The following DDOST variants were observed in gnomAD, a reference collection of about 807,000 sequenced individuals.
The protein encoded by DDOST is dolichyl-diphosphooligosaccharide--protein glycosyltransferase 48 kDa subunit.
A neutral mutation model predicts 47.6 loss-of-function variants in DDOST; 25 were observed. That is an observed-to-expected ratio of 0.53 (90% CI 0.38 to 0.73). The LOEUF is 0.73. Ranked by LOEUF, DDOST falls within the 30% of genes least tolerant of loss-of-function variation. The probability of loss-of-function intolerance (pLI) is 0.00; values close to 1 mark genes in which losing one functional copy is unlikely to be tolerated. For synonymous variants in DDOST, 275 were observed against 236.0 expected (o/e 1.17, Z -1.51); for missense variants, 526 against 573.9 (o/e 0.92, Z 0.85).
At chr1:20,656,610 A>G (rs1425138411) in intron 2 of DDOST, among the ~76,000 whole-genome samples, 1 of 152,124 alleles carries the variant, frequency 6.6e-6, no homozygotes, top group East Asian at 1.9e-4. Context: ...CCCTGTCTAA[A>G]TGGTCTGAGG....
chr1:20,654,547 C>T (rs1012480015), intron 6 of DDOST, 67 bp downstream of exon 6: 24 of 1,449,380 alleles, frequency 1.7e-5, no homozygotes, highest in East Asian at 1.5e-4. Context: ...TCATTTCCTT[C>T]GCCTCAGCCA....
In DDOST at chr1:20,661,198, C is replaced by T; in HGVS notation, c.153G>A (p.Lys51=). Residue 51 remains lysine (K), a splice_region_variant and synonymous_variant, in exon 1 of 11, where the codon AAG becomes AAA. Coordinates refer to ENST00000602624, the MANE Select transcript of DDOST (RefSeq NM_005216.5). ...ETHSLFFRSL[K]DRGFELTFKT... The stretch of plus-strand genomic sequence containing the variant: ...TACCCCCTCGGACCCCGCTCTCACC[C>T]TTCAGGCTCCGGAAGAAAAGCGAAT... 6.2e-7 allele frequency: 1 copy of T among 1,613,654 alleles called. No homozygotes were observed. The highest frequency in any genetic ancestry group is 8.5e-7 in the Non-Finnish European group (1 of 1,179,898).
In DDOST at chr1:20,653,722, AC is replaced by A; in HGVS notation, c.846del (p.Phe283SerfsTer31). Reference protein sequence around the residue: ...YELAVALSRWVFKEEGVLRVG... With the variant: ...YELAVALSRWXFKEEGVLRVG... Reference sequence around the variant, plus strand: ...ACACGGAGGACACCCTCCTCCTTGAACACCCAGCGGGAGAGGGCCACAGCTA... The same window carrying A: ...ACACGGAGGACACCCTCCTCCTTGAAACCCAGCGGGAGAGGGCCACAGCTA... On this transcript the variant is annotated frameshift_variant, in exon 8 of 11. Coordinates refer to ENST00000602624, the MANE Select transcript of DDOST (RefSeq NM_005216.5). LOFTEE classifies it high-confidence loss of function. 5.6e-6 allele frequency: 9 copies of A among 1,614,122 alleles called. No homozygotes were observed. Among genetic ancestry groups the A allele is most frequent in the Non-Finnish European group, 7.6e-6 (9 of 1,180,000 alleles).
chr1:20,658,937 G>T (rs998585853), intron 2 of DDOST, among the ~76,000 whole-genome samples: 6 of 148,100 alleles, frequency 4.1e-5, no homozygotes, highest in African/African-American at 1.5e-4. Flanking sequence ...GCTCACTGCA[G>T]CCTTGACCAC....
At chr1:20,656,714 T>A (rs2053378183) in intron 2 of DDOST, among the ~76,000 whole-genome samples, 1 of 152,182 alleles carries the variant, frequency 6.6e-6, no homozygotes, top group Admixed American at 6.5e-5. Flanking sequence ...TCCTACAGAT[T>A]CTATCCATGA....
rs144169140 is a variant in DDOST, at chr1:20,660,065, G to A, written c.265+816C>T. Among the ~76,000 whole-genome samples the A allele has an allele frequency of 2.7e-3, 405 of 152,256 alleles. 3 individuals carry two copies. Among genetic ancestry groups the A allele is most frequent in the African/African-American group, 9.3e-3 (387 of 41,552 alleles). On this transcript the variant is annotated intron_variant, in intron 2 of 10. Coordinates refer to ENST00000602624, the MANE Select transcript of DDOST (RefSeq NM_005216.5). ...AAATAAAGAAGAGAATGACTAACAT[G>A]CTCACCAAAAAAGTATGGCAAAAGA...
intron 2 of DDOST, among the ~76,000 whole-genome samples, chr1:20,658,856 CTTTTT>C (rs112536606): frequency 1.5e-5 from 2 of 132,818 alleles, no homozygotes; most frequent in African/African-American, 2.9e-5. Flanking sequence ...TTTCTCTTTT[CTTTTT>C]TTTTTTTTTT....
rs753498493 is a variant in DDOST at position 20,652,838 on chromosome 1, G to A, written c.1063+13C>T. 1.2e-6 allele frequency: 2 copies of A among 1,614,204 alleles called. No individual in the cohort carries two copies. Among genetic ancestry groups the A allele is most frequent in the Non-Finnish European group, 1.7e-6 (2 of 1,180,024 alleles). ...CGTTTCTGGCAGCATCCTCGTGCAG[G>A]AACTACACTCACCTTTCTTCTTCAG... On this transcript the variant is annotated intron_variant, in intron 9 of 10. Coordinates refer to ENST00000602624, the MANE Select transcript of DDOST (RefSeq NM_005216.5).
intron 1 of DDOST, 103 bp from the exon 2 acceptor site, chr1:20,661,094 C>G: frequency 6.8e-7 from 1 of 1,477,782 alleles, no homozygotes; most frequent in South Asian, 1.2e-5. Flanking sequence ...CAGACCCGGG[C>G]GGCCTGCTCC....
intron 2 of DDOST, 27 bp downstream of exon 2, chr1:20,660,854 G>A (rs377206248): frequency 6.4e-6 from 9 of 1,398,646 alleles, no homozygotes; most frequent in Non-Finnish European, 8.1e-6. Flanking sequence ...TCGAATTCCA[G>A]TGCTAGGGGC....
At chr1:20,653,493 A>T in intron 8 of DDOST, 134 bp downstream of exon 8, 1 of 877,930 alleles carries the variant, frequency 1.1e-6, no homozygotes, top group Non-Finnish European at 1.7e-6. Flanking sequence ...TGGCATGCTT[A>T]GGTGTAGGGA....
chr1:20,656,976 TA>T, intron 2 of DDOST, among the ~76,000 whole-genome samples: 1 of 152,214 alleles, frequency 6.6e-6, no homozygotes, highest in East Asian at 1.9e-4. Flanking sequence ...ATTTATTCAT[TA>T]AATGAGTAAT....
chr1:20,661,125 G>C, intron 1 of DDOST, 72 bp downstream of exon 1: 1 of 1,537,810 alleles, frequency 6.5e-7, no homozygotes, highest in Admixed American at 1.8e-5. Flanking sequence ...GAGGGAAGGA[G>C]AGTGGTCAAT....
At chr1:20,658,607 G>A (rs573578377) in intron 2 of DDOST, among the ~76,000 whole-genome samples, 2 of 152,372 alleles carry the variant, frequency 1.3e-5, no homozygotes, top group African/African-American at 4.8e-5. Flanking sequence ...CAAAGAGAAT[G>A]TCTTAGTTTG....
intron 5 of DDOST, among the ~76,000 whole-genome samples, chr1:20,655,049 G>C (rs918537017): frequency 3.3e-5 from 5 of 152,042 alleles, no homozygotes; most frequent in Non-Finnish European, 5.9e-5. Flanking sequence ...TAGCAGAGAC[G>C]GGGTTTCACC....
rs542807666 is a variant in DDOST, at chr1:20,660,750, T to C, written c.265+131A>G. The C allele has an allele frequency of 4.8e-6, 3 of 623,238 alleles. No individual in the cohort carries two copies. In the African/African-American group the frequency reaches 5.6e-5, roughly 12 times the overall value. 38.6% of individuals were successfully genotyped at this position (623,238 alleles called of 1,614,324 possible). ...AGGTCAGAAATGAGCATTTTCCTTA[T>C]CTCCGTGGTAGCACCATCCAGGACT... On this transcript the variant is annotated intron_variant, in intron 2 of 10. Coordinates refer to ENST00000602624, the MANE Select transcript of DDOST (RefSeq NM_005216.5).
In DDOST at chr1:20,661,258, T is replaced by TA; in HGVS notation, c.92dup (p.Leu31PhefsTer26). On this transcript the variant is annotated frameshift_variant, in exon 1 of 11. Transcript: ENST00000602624. LOFTEE classifies it high-confidence loss of function. The stretch of plus-strand genomic sequence containing the variant: ...GCACGTTGAGGTTGTCCAGCAGCAC[T>TA]AAGGTGCGGGGTCCGCTGGCGCAAA... The TA allele has an allele frequency of 6.2e-7, 1 of 1,613,984 alleles. No homozygotes were observed. The highest frequency in any genetic ancestry group is 1.1e-5 in the South Asian group (1 of 91,088).
intron 2 of DDOST, among the ~76,000 whole-genome samples, chr1:20,658,062 G>A (rs533326898): frequency 8.7e-4 from 133 of 152,342 alleles, no homozygotes; most frequent in African/African-American, 3.1e-3. Context: ...GAAACGTCAA[G>A]AATGCACCTG....
In DDOST at chr1:20,653,763, G is replaced by T. The variant is rs1191877261; in HGVS notation, c.806C>A (p.Thr269Lys). The T allele has an allele frequency of 1.2e-6, 2 of 1,613,414 alleles. No homozygotes were observed. Among genetic ancestry groups the T allele is most frequent in the South Asian group, 2.2e-5 (2 of 91,026 alleles). Residue 269 changes from threonine (T) to lysine (K), a missense_variant, in exon 8 of 11, where the codon ACA (threonine) becomes AAA (lysine). By Grantham distance (78) the Thr-to-Lys change is moderately conservative (BLOSUM62 -1). Transcript: ENST00000602624. ...AAPGSQRYSQ[T>K]GNYELAVALS... The stretch of plus-strand genomic sequence containing the variant: ...GGCCACAGCTAGTTCATAGTTGCCT[G>T]TCTGGGAATACCTGCAGGAGGGAAA...
Sources: allele counts gnomAD v4.1 joint callset (sites outside exome capture counted in the v4.1 genomes callset), GRCh38; gene constraint gnomAD v4.1.1; transcripts MANE v1.5; gene names NCBI Gene and HGNC (gene_info 2026-07-23, HGNC 2026-07-21).